Variants in LRBA observed in about 807,000 individuals in gnomAD.
The protein encoded by LRBA is lipopolysaccharide-responsive and beige-like anchor protein.
In LRBA, 176 loss-of-function variants were observed where a neutral mutation model predicts 330.0. The observed-to-expected ratio is 0.53, with a 90% CI of 0.47 to 0.60. LRBA has a LOEUF of 0.60. LRBA is among the 20% of genes least tolerant of loss of function. The pLI is 0.00. For synonymous variants in LRBA, 1,230 were observed against 1,193.0 expected, an observed-to-expected ratio of 1.03 and a Z score of -0.64; for missense variants, 3,259 against 3,444.8, an observed-to-expected ratio of 0.95 and a Z score of 1.35.
At chr4:150,647,359 T>TTC (rs928118797) in intron 37 of LRBA, among the ~76,000 whole-genome samples, 7 of 134,908 alleles carry the variant, frequency 5.2e-5, no homozygotes, top group African/African-American at 1.1e-4. Context: ...TTTCTTTTTT[T>TTC]TTTTTTTTTT....
chr4:150,471,827 T>C (rs1756166940), intron 42 of LRBA, 88 bp from the exon 43 acceptor site: 1 of 721,486 alleles, frequency 1.4e-6, no homozygotes, highest in African/African-American at 1.8e-5. Context: ...TCATAATATC[T>C]ATAATTCTGA....
chr4:150,386,992 T>G (rs1465780699), intron 47 of LRBA, among the ~76,000 whole-genome samples: 1 of 152,232 alleles, frequency 6.6e-6, no homozygotes, highest in Non-Finnish European at 1.5e-5. Context: ...ATTGTGGGTT[T>G]GATTTGCATT....
intron 47 of LRBA, among the ~76,000 whole-genome samples, chr4:150,381,449 C>T (rs943152022): frequency 1.1e-4 from 17 of 152,314 alleles, no homozygotes; most frequent in Middle Eastern, 3.4e-3. Flanking sequence ...TGGAATCATA[C>T]AATATGTGGC....
chr4:150,437,566 C>T (rs1472834414), intron 44 of LRBA, among the ~76,000 whole-genome samples: 5 of 148,294 alleles, frequency 3.4e-5, no homozygotes, highest in African/African-American at 4.9e-5. Context: ...ATATATATAT[C>T]GCATTAAAAA....
In LRBA at chr4:150,619,769, T is replaced by C. The variant is rs140628061; in HGVS notation, c.5922-20638A>G. ...TTCTAGCACAAGAAGAAGCAACTAG[T>C]ATGCACTTAAATAAAGCCCATCAAA... is the stretch of plus-strand genomic sequence containing the variant. On this transcript the variant is annotated intron_variant, in intron 37 of 56. Transcript: ENST00000651943. Among the ~76,000 whole-genome samples, 7 of 152,284 alleles carry C rather than the reference T, an allele frequency of 4.6e-5. No homozygotes were observed. In the East Asian group the frequency reaches 1.4e-3, roughly 29 times the overall value.
At chr4:150,288,977 G>A (rs1580908787) in intron 53 of LRBA, among the ~76,000 whole-genome samples, 1 of 152,192 alleles carries the variant, frequency 6.6e-6, no homozygotes, top group Non-Finnish European at 1.5e-5. Flanking sequence ...GGTCCCAGAG[G>A]ATGATGTCAC....
chr4:150,821,092 G>C (rs1251768427), intron 30 of LRBA, among the ~76,000 whole-genome samples: 1 of 152,000 alleles, frequency 6.6e-6, no homozygotes, highest in Non-Finnish European at 1.5e-5. Flanking sequence ...TTCTATTTAA[G>C]AAACAAATTG....
chr4:150,584,923 A>C (rs1382944989), intron 40 of LRBA, among the ~76,000 whole-genome samples: 2 of 152,240 alleles, frequency 1.3e-5, no homozygotes, highest in Non-Finnish European at 2.9e-5. Context: ...TGTTCTGTAG[A>C]TGTTAAGATT....
intron 28 of LRBA, among the ~76,000 whole-genome samples, chr4:150,835,708 T>C (rs1401435487): frequency 5.3e-5 from 8 of 152,274 alleles, no homozygotes; most frequent in African/African-American, 1.2e-4. Context: ...TGGGCTGAGA[T>C]GATGGGGTTT....
At chr4:150,695,314 C>A (rs1784527430) in intron 36 of LRBA, among the ~76,000 whole-genome samples, 1 of 152,002 alleles carries the variant, frequency 6.6e-6, no homozygotes, top group Non-Finnish European at 1.5e-5. Flanking sequence ...ACAGATTCGA[C>A]CAAATTTTTT....
At chr4:150,745,624 T>A (rs1251249521) in intron 35 of LRBA, among the ~76,000 whole-genome samples, 1 of 152,156 alleles carries the variant, frequency 6.6e-6, no homozygotes, top group African/African-American at 2.4e-5. Context: ...CAAGCAATTC[T>A]CCTGCCTCAG....
At chr4:150,917,538 A>G (rs1045941015) in intron 5 of LRBA, among the ~76,000 whole-genome samples, 1 of 152,252 alleles carries the variant, frequency 6.6e-6, no homozygotes, top group African/African-American at 2.4e-5. Flanking sequence ...TATATTCAGA[A>G]GTCAATATAC....
chr4:150,568,414 T>A (rs1412816384), intron 40 of LRBA, among the ~76,000 whole-genome samples: 1 of 152,186 alleles, frequency 6.6e-6, no homozygotes, highest in African/African-American at 2.4e-5. Context: ...ATGAAATCAT[T>A]TAATTATTAA....
chr4:150,756,644 A>G (rs1163395570), intron 35 of LRBA, among the ~76,000 whole-genome samples: 3 of 152,214 alleles, frequency 2.0e-5, no homozygotes, highest in African/African-American at 7.2e-5. Context: ...CAAATCGAAT[A>G]CACAAATAAA....
chr4:150,615,882 C>T (rs143739177), intron 37 of LRBA, among the ~76,000 whole-genome samples: 6 of 152,220 alleles, frequency 3.9e-5, no homozygotes, highest in Admixed American at 2.6e-4. Flanking sequence ...AAACTTTCCA[C>T]ATACAACTGG....
chr4:150,821,869 C>G (rs1184084571), intron 30 of LRBA, among the ~76,000 whole-genome samples: 1 of 152,148 alleles, frequency 6.6e-6, no homozygotes, highest in African/African-American at 2.4e-5. Context: ...AGGCCCACAA[C>G]CTGGCAGCCT....
chr4:150,723,398 A>G (rs1729203125), intron 36 of LRBA, among the ~76,000 whole-genome samples: 1 of 152,214 alleles, frequency 6.6e-6, no homozygotes, highest in South Asian at 2.1e-4. Flanking sequence ...AGGCAGAGTC[A>G]TGAGGCCCCG....
intron 2 of LRBA, among the ~76,000 whole-genome samples, chr4:151,002,365 G>A (rs933891722): frequency 6.6e-5 from 10 of 151,658 alleles, no homozygotes; most frequent in Non-Finnish European, 1.3e-4. Context: ...TCAGGAGTTC[G>A]AGACCAGACC....
At chr4:150,985,603 G>A (rs1219535730) in intron 2 of LRBA, among the ~76,000 whole-genome samples, 3 of 151,348 alleles carry the variant, frequency 2.0e-5, no homozygotes, top group South Asian at 2.1e-4. Flanking sequence ...GGTTCACGCC[G>A]TTCTCCTGCC....
Sources: allele counts gnomAD v4.1 joint callset (sites outside exome capture counted in the v4.1 genomes callset), GRCh38; gene constraint gnomAD v4.1.1; transcripts MANE v1.5; gene names NCBI Gene and HGNC (gene_info 2026-07-23, HGNC 2026-07-21).